Variants in LMTK3 observed in about 807,000 individuals in gnomAD.
LMTK3 encodes the protein lemur tail kinase 3, also known as serine/threonine-protein kinase LMTK3.
Under a neutral mutation model 116.7 loss-of-function variants are expected in LMTK3, and 27 were observed. The observed-to-expected ratio is 0.23, with a 90% confidence interval of 0.17 to 0.32. The LOEUF (loss-of-function observed/expected upper bound fraction) is 0.32, where lower values mean the gene tolerates loss of function less well. Ranked by LOEUF, LMTK3 falls within the 10% of genes least tolerant of loss-of-function variation. LMTK3 has a pLI of 1.00. For missense variants in LMTK3, 1,764 were observed against 2,068.5 expected (o/e 0.85, Z 2.86); for synonymous variants, 965 against 971.0 (o/e 0.99, Z 0.11).
chr19:48,499,559 G>T lies in LMTK3; in HGVS notation c.1510C>A (p.Pro504Thr). 6.6e-7 allele frequency: 1 copy of T among 1,519,218 alleles called. No homozygotes were observed. Among genetic ancestry groups the T allele is most frequent in the South Asian group, 1.2e-5 (1 of 80,366 alleles). 94.1% of individuals were successfully genotyped at this position (1,519,218 alleles called of 1,614,324 possible). A position where few individuals can be genotyped will look rare whatever the true frequency, so the allele number is the denominator to read the frequency against. Reference sequence around the variant, plus strand: ...TTGGAGGGGTTGGCGTGGGGGGCCGGGGGGGCCGACGCCGGCTGCCAGGCA... The same window carrying T: ...TTGGAGGGGTTGGCGTGGGGGGCCGTGGGGGCCGACGCCGGCTGCCAGGCA... ...APAWQPASAP[P>T]APHANPSNPF... is the part of the protein sequence containing the mutation. Residue 504 changes from proline to threonine, a missense_variant, in exon 11 of 15, where the codon CCG becomes ACG. By Grantham distance (38) the Pro-to-Thr change is conservative (BLOSUM62 -1). Transcript: ENST00000600059.
In LMTK3 at chr19:48,497,370, A is replaced by G. The variant is rs777828401; in HGVS notation, c.3676+23T>C. 1.2e-5 allele frequency: 18 copies of G among 1,452,316 alleles called. No individual in the cohort carries two copies. The South Asian group carries it at 2.5e-4, about 20-fold the overall frequency. 90.0% of individuals were successfully genotyped at this position (1,452,316 alleles called of 1,614,324 possible). On this transcript the variant is annotated intron_variant, in intron 11 of 14. Transcript: ENST00000600059. This position sits in a 1 kb window ranked among gnomAD's most constrained non-coding sequence, Gnocchi z 5.7. Reference sequence around the variant, plus strand: ...CGGAAACAGCCGGACCTCAGCCCTGACTGTGCCCCGCAGCCTCCTCACCTT... The same window carrying G: ...CGGAAACAGCCGGACCTCAGCCCTGGCTGTGCCCCGCAGCCTCCTCACCTT...
intron 5 of LMTK3, among the ~76,000 whole-genome samples, chr19:48,505,681 G>T (rs554157184): frequency 6.6e-6 from 1 of 151,974 alleles, no homozygotes; most frequent in Non-Finnish European, 1.5e-5. Flanking sequence ...GGCCAACATA[G>T]TGAAACCCTG....
rs1383936732 is a variant in LMTK3, at chr19:48,491,922, T to A, written c.4093-383A>T. 1.3e-5 allele frequency among the ~76,000 whole-genome samples: 2 copies of A among 151,834 alleles called. No homozygotes were observed. The highest frequency in any genetic ancestry group is 2.9e-5 in the Non-Finnish European group (2 of 67,970). On this transcript the variant is annotated intron_variant, in intron 12 of 14. Transcript: ENST00000600059. The surrounding 1 kb of genome is among the most constrained non-coding windows in gnomAD (Gnocchi z 5.1). ...CCTCTGAGATCTTGACCTGCTCCAG[T>A]GGCCCTCCCAACCCCTGCCCCATCC...
chr19:48,491,057 A>AT lies in LMTK3; in HGVS notation c.4366+50dup. The AT allele has an allele frequency of 8.0e-7, 1 of 1,245,078 alleles. No homozygotes were observed. Among genetic ancestry groups the AT allele is most frequent in the South Asian group, 2.6e-5 (1 of 39,000 alleles). 77.1% of individuals were successfully genotyped at this position (1,245,078 alleles called of 1,614,324 possible). On this transcript the variant is annotated intron_variant, in intron 14 of 14. Transcript: ENST00000600059. The surrounding 1 kb of genome is among the most constrained non-coding windows in gnomAD (Gnocchi z 5.1). ...GGTCACAAGAAGTTGGCAGTGGAAC[A>AT]TAGGGGGACAGAGATGGGCAGAGGA...
chr19:48,508,193 G>T (rs1395158884), intron 5 of LMTK3, among the ~76,000 whole-genome samples: 1 of 152,096 alleles, frequency 6.6e-6, no homozygotes, highest in Admixed American at 6.5e-5. Flanking sequence ...AGGACCAGAT[G>T]TGTCCTGTAG....
At chr19:48,511,180 A>C (rs1460432795) in intron 1 of LMTK3, among the ~76,000 whole-genome samples, 1 of 152,062 alleles carries the variant, frequency 6.6e-6, no homozygotes, top group Non-Finnish European at 1.5e-5. Context: ...TCCCCCTTAG[A>C]AATAGTATTC....
chr19:48,496,301 C>T (rs376293996), intron 11 of LMTK3, among the ~76,000 whole-genome samples: 3,319 of 122,210 alleles, frequency 0.027, 129 homozygotes, highest in African/African-American at 0.095. Context: ...TTTTTCTTTT[C>T]TTTTTTTTTT....
chr19:48,508,997 G>A (rs752402719), intron 4 of LMTK3, 28 bp from the exon 5 acceptor site: 7 of 1,501,328 alleles, frequency 4.7e-6, no homozygotes, highest in Non-Finnish European at 6.4e-6. Flanking sequence ...AGGAGTCAGC[G>A]AGTGCCGTTT....
At chr19:48,513,205 T>A, upstream of LMTK3, 1 of 1,563,778 alleles carries the variant, frequency 6.4e-7, no homozygotes, top group Middle Eastern at 1.7e-4. This position sits in a 1 kb window ranked among gnomAD's most constrained non-coding sequence, Gnocchi z 5.6. Context: ...AGATACATGA[T>A]CATAGTTTAT....
At position 48,497,685 on chromosome 19, in the gene LMTK3, TCCGGGGCCGCCG is replaced by T. The variant is rs1972356895; in HGVS notation, c.3372_3383del (p.Gly1125_Gly1128del). Reference sequence around the variant, plus strand: ...ATCCGGCCTTTGCGTCCACGCCGCTTCCGGGGCCGCCGCCGGGGGCCGTCCCCGTGCCCACTG... The same window carrying T: ...ATCCGGCCTTTGCGTCCACGCCGCTTCCGGGGGCCGTCCCCGTGCCCACTG... On this transcript the variant is annotated inframe_deletion, in exon 11 of 15. Coordinates refer to ENST00000600059, the MANE Select transcript of LMTK3 (RefSeq NM_001388485.1). This position sits in a 1 kb window ranked among gnomAD's most constrained non-coding sequence, Gnocchi z 5.7. 7.6e-7 allele frequency: 1 copy of T among 1,314,082 alleles called. No homozygotes were observed. Among genetic ancestry groups the T allele is most frequent in the Non-Finnish European group, 9.7e-7 (1 of 1,035,656 alleles). 81.4% of individuals were successfully genotyped at this position (1,314,082 alleles called of 1,614,324 possible). A position where few individuals can be genotyped will look rare whatever the true frequency, so the allele number is the denominator to read the frequency against.
At chr19:48,495,021 T>TG (rs1972301680) in intron 11 of LMTK3, among the ~76,000 whole-genome samples, 1 of 151,916 alleles carries the variant, frequency 6.6e-6, no homozygotes, top group African/African-American at 2.4e-5. Context: ...TTTTGTTTTT[T>TG]TTTTTGAAAT....
chr19:48,508,692 T>A (rs775094979), intron 5 of LMTK3, among the ~76,000 whole-genome samples, 159 bp downstream of exon 5: 9 of 151,988 alleles, frequency 5.9e-5, no homozygotes, highest in Non-Finnish European at 1.0e-4. Flanking sequence ...CACCCTTAGC[T>A]CGGTCCAGAG....
chr19:48,494,167 C>A lies in LMTK3; in HGVS notation c.3677-58G>T. 9.4e-7 allele frequency: 1 copy of A among 1,058,622 alleles called. No homozygotes were observed. The highest frequency in any genetic ancestry group is 1.2e-6 in the Non-Finnish European group (1 of 858,200). 65.6% of individuals were successfully genotyped at this position (1,058,622 alleles called of 1,614,324 possible). A position where few individuals can be genotyped will look rare whatever the true frequency, so the allele number is the denominator to read the frequency against. ...CCGGTGAAACTGAGGCAGGCCCTCC[C>A]ACCTAGCTGTGTGGCCTCAGATAAG... On this transcript the variant is annotated intron_variant, in intron 11 of 14. Coordinates refer to ENST00000600059, the MANE Select transcript of LMTK3 (RefSeq NM_001388485.1). The surrounding 1 kb of genome is among the most constrained non-coding windows in gnomAD (Gnocchi z 4.0).
chr19:48,492,755 C>G (rs1352046863), intron 12 of LMTK3, among the ~76,000 whole-genome samples: 1 of 152,034 alleles, frequency 6.6e-6, no homozygotes, highest in African/African-American at 2.4e-5. Flanking sequence ...CACTTCCTCC[C>G]TAGCCTCTCC....
chr19:48,488,339 C>T (rs1972160257), intron 14 of LMTK3, among the ~76,000 whole-genome samples: 1 of 152,114 alleles, frequency 6.6e-6, no homozygotes, highest in Non-Finnish European at 1.5e-5. Context: ...CTGCCCTGTC[C>T]AACCTCTCCA....
At chr19:48,513,137 C>CGT (rs1972689214), upstream of LMTK3, 1 of 1,598,812 alleles carries the variant, frequency 6.3e-7, no homozygotes, top group South Asian at 1.1e-5. The surrounding 1 kb of genome is among the most constrained non-coding windows in gnomAD (Gnocchi z 5.6). Context: ...CGCAAATACC[C>CGT]ACGTTTCCCG....
At chr19:48,501,966 C>G (rs1972475989) in intron 7 of LMTK3, among the ~76,000 whole-genome samples, 2 of 133,638 alleles carry the variant, frequency 1.5e-5, no homozygotes, top group South Asian at 5.3e-4. Context: ...CCCCTGCCCC[C>G]CTCCCCTGGC....
At chr19:48,510,646 A>T (rs1972641571) in intron 1 of LMTK3, 54 bp from the exon 2 acceptor site, 1 of 1,486,824 alleles carries the variant, frequency 6.7e-7, no homozygotes, top group Non-Finnish European at 8.9e-7. Context: ...GGATACCGGA[A>T]TCATGCCCCC....
At chr19:48,510,614 G>T in intron 1 of LMTK3, 22 bp from the exon 2 acceptor site, 1 of 1,525,340 alleles carries the variant, frequency 6.6e-7, no homozygotes, top group East Asian at 2.4e-5. Context: ...GGGCTGGGCT[G>T]GGGTCCCAGC....
Sources: allele counts gnomAD v4.1 joint callset (sites outside exome capture counted in the v4.1 genomes callset), GRCh38; gene constraint gnomAD v4.1.1; non-coding constraint Gnocchi (gnomAD v3.1); transcripts MANE v1.5; gene names NCBI Gene and HGNC (gene_info 2026-07-23, HGNC 2026-07-21).